Variants in DLG2 observed in about 807,000 individuals in gnomAD.
DLG2 encodes disks large homolog 2.
DLG2 carries 45 observed loss-of-function variants against 132.5 expected under a neutral mutation model. The ratio of observed to expected loss-of-function variants is 0.34; its 90% confidence interval spans 0.27 to 0.44. DLG2 has a LOEUF of 0.44. Ranked by LOEUF, DLG2 falls within the 20% of genes least tolerant of loss-of-function variation. The pLI is 1.00. For synonymous variants in DLG2, 424 were observed against 419.6 expected (o/e 1.01, Z -0.13); for missense variants, 1,045 against 1,196.9 (o/e 0.87, Z 1.87).
intron 21 of DLG2, among the ~76,000 whole-genome samples, chr11:83,521,817 C>A (rs1017826521): frequency 2.0e-5 from 3 of 151,998 alleles, no homozygotes; most frequent in Non-Finnish European, 4.4e-5. Context: ...TGATTTCTCC[C>A]CTGAGTCATC....
At chr11:84,700,023 A>C (rs2059049539) in intron 6 of DLG2, among the ~76,000 whole-genome samples, 1 of 151,594 alleles carries the variant, frequency 6.6e-6, no homozygotes, top group Non-Finnish European at 1.5e-5. Flanking sequence ...TGCCAATATG[A>C]GTATTAGAGA....
chr11:85,600,847 T>A (rs2153233954), intron 2 of DLG2, among the ~76,000 whole-genome samples: 1 of 152,354 alleles, frequency 6.6e-6, no homozygotes. Flanking sequence ...AGACACAAAA[T>A]GCTTTTAACT....
chr11:84,181,050 AAC>A (rs1491328497), intron 8 of DLG2, among the ~76,000 whole-genome samples: 2 of 152,152 alleles, frequency 1.3e-5, no homozygotes, highest in East Asian at 3.9e-4. Flanking sequence ...TCTAACAGAT[AAC>A]AGTTTGTTCA....
intron 11 of DLG2, among the ~76,000 whole-genome samples, chr11:83,997,579 A>T (rs996767640): frequency 1.3e-5 from 2 of 150,958 alleles, no homozygotes; most frequent in Non-Finnish European, 3.0e-5. Flanking sequence ...AAATACAAAA[A>T]ATTTAGCTGG....
intron 3 of DLG2, among the ~76,000 whole-genome samples, chr11:85,515,331 T>C (rs1212339164): frequency 1.3e-5 from 2 of 151,974 alleles, no homozygotes; most frequent in Non-Finnish European, 2.9e-5. Context: ...AAACATTTTA[T>C]GATGGCAAGA....
chr11:83,471,749 T>C lies in DLG2; in HGVS notation c.2345-22A>G, dbSNP rs764435936. On this transcript the variant is annotated intron_variant, in intron 23 of 27. Transcript: ENST00000376104. ...TTTACTGCAGAATGGGAAAGGAAGA[T>C]GTAGGTAAAGAGAAAGAGTTGGAAA... 9 of 1,597,580 alleles carry C rather than the reference T, an allele frequency of 5.6e-6. No individual in the cohort carries two copies. The South Asian group carries it at 9.9e-5, about 18-fold the overall frequency.
chr11:84,887,619 T>G (rs2088556238), intron 6 of DLG2, among the ~76,000 whole-genome samples: 2 of 152,124 alleles, frequency 1.3e-5, no homozygotes, highest in South Asian at 4.1e-4. Flanking sequence ...ATCAAGAGAA[T>G]GGGCATCAAA....
chr11:84,672,377 G>A (rs1022216648), intron 6 of DLG2, among the ~76,000 whole-genome samples: 1 of 152,064 alleles, frequency 6.6e-6, no homozygotes, highest in Non-Finnish European at 1.5e-5. Flanking sequence ...AACATCAAAT[G>A]ACACAGGTAC....
intron 21 of DLG2, among the ~76,000 whole-genome samples, chr11:83,487,801 G>A (rs557369723): frequency 5.3e-5 from 8 of 151,916 alleles, no homozygotes; most frequent in Non-Finnish European, 1.0e-4. Context: ...TTATGATAAT[G>A]TAAAAAAGGA....
chr11:85,624,488 C>T (rs2081933703), intron 2 of DLG2, among the ~76,000 whole-genome samples: 1 of 152,134 alleles, frequency 6.6e-6, no homozygotes, highest in Admixed American at 6.5e-5. Context: ...ATGTCTACCA[C>T]ATGAAACAAT....
chr11:85,013,586 A>C (rs937187470), intron 6 of DLG2, among the ~76,000 whole-genome samples: 1 of 152,222 alleles, frequency 6.6e-6, no homozygotes, highest in African/African-American at 2.4e-5. Context: ...TTTGAAAAGT[A>C]TGAGTGCAAT....
chr11:83,816,284 C>A (rs1020459441), intron 17 of DLG2, among the ~76,000 whole-genome samples: 22 of 152,272 alleles, frequency 1.4e-4, no homozygotes, highest in Middle Eastern at 3.4e-3. Context: ...CCTAAAACCA[C>A]AAGATCTTCT....
chr11:83,991,843 T>G (rs550861050), intron 11 of DLG2, among the ~76,000 whole-genome samples: 3 of 152,276 alleles, frequency 2.0e-5, no homozygotes, highest in African/African-American at 7.2e-5. Context: ...TACCTGTGAA[T>G]GTAATTAACC....
chr11:84,101,277 A>G (rs766635257), intron 9 of DLG2, among the ~76,000 whole-genome samples: 1 of 152,140 alleles, frequency 6.6e-6, no homozygotes, highest in Non-Finnish European at 1.5e-5. Flanking sequence ...TTAGGTGAGA[A>G]AGGGTATGCC....
intron 6 of DLG2, among the ~76,000 whole-genome samples, chr11:85,072,904 C>T (rs2066063973): frequency 6.6e-6 from 1 of 151,642 alleles, no homozygotes; most frequent in South Asian, 2.1e-4. Flanking sequence ...GATGATGGGT[C>T]AAAAAGGTCT....
chr11:84,253,312 G>C (rs1469316763), intron 7 of DLG2, among the ~76,000 whole-genome samples: 1 of 152,092 alleles, frequency 6.6e-6, no homozygotes, highest in Non-Finnish European at 1.5e-5. Flanking sequence ...TGTGATCTTA[G>C]GGCAAGTCCA....
intron 6 of DLG2, among the ~76,000 whole-genome samples, chr11:85,035,186 G>A (rs1477467974): frequency 6.6e-6 from 1 of 152,178 alleles, no homozygotes; most frequent in Non-Finnish European, 1.5e-5. Context: ...GCCAGCCTGA[G>A]TGATGTTATT....
At chr11:84,526,871 CGGG>C (rs1268715259) in intron 7 of DLG2, among the ~76,000 whole-genome samples, 3 of 151,092 alleles carry the variant, frequency 2.0e-5, no homozygotes, top group Admixed American at 6.6e-5. Flanking sequence ...CTCCGCCTCC[CGGG>C]TTCACGCCAT....
intron 2 of DLG2, among the ~76,000 whole-genome samples, chr11:85,602,361 AC>A (rs1178520454): frequency 1.3e-5 from 2 of 151,982 alleles, no homozygotes; most frequent in African/African-American, 4.8e-5. Flanking sequence ...ACATGCTGTC[AC>A]CTTTGCCCTC....
Sources: gnomAD v4.1 joint callset for allele counts (sites outside exome capture counted in the v4.1 genomes callset) on GRCh38, gnomAD v4.1.1 for gene constraint, MANE v1.5 for transcripts, NCBI Gene and HGNC (gene_info 2026-07-23, HGNC 2026-07-21) for gene names.